Variants in STXBP4 observed in about 807,000 individuals in gnomAD.
The protein encoded by STXBP4 is syntaxin-binding protein 4.
A neutral mutation model predicts 76.1 loss-of-function variants in STXBP4; 55 were observed. The ratio of observed to expected loss-of-function variants is 0.72; its 90% CI spans 0.58 to 0.91. The LOEUF (loss-of-function observed/expected upper bound fraction) is 0.91. STXBP4 is among the 40% of genes least tolerant of loss of function. The pLI, the probability that STXBP4 is intolerant of heterozygous loss-of-function variation, is 0.00. For synonymous variants in STXBP4, 201 were observed against 220.2 expected, an observed-to-expected ratio of 0.91 and a Z score of 0.77; for missense variants, 618 against 636.9, an observed-to-expected ratio of 0.97 and a Z score of 0.32.
intron 16 of STXBP4, among the ~76,000 whole-genome samples, chr17:55,109,525 A>G (rs1442035275): frequency 6.6e-6 from 1 of 152,018 alleles, no homozygotes; most frequent in African/African-American, 2.4e-5. Context: ...TAAACTGAAC[A>G]TGGTAAGGCC....
chr17:55,043,991 T>A (rs1263830608), intron 11 of STXBP4: 1 of 210,164 alleles, frequency 4.8e-6, no homozygotes, highest in Non-Finnish European at 9.4e-6. Flanking sequence ...TGGGACAACA[T>A]GTCCATGCCA....
At chr17:55,009,905 A>C (rs1406471937) in intron 8 of STXBP4, among the ~76,000 whole-genome samples, 2 of 152,042 alleles carry the variant, frequency 1.3e-5, no homozygotes, top group African/African-American at 4.8e-5. Context: ...TAATGTCATA[A>C]TATCAGTATC....
intron 16 of STXBP4, among the ~76,000 whole-genome samples, chr17:55,133,476 C>A (rs2079994261): frequency 6.6e-6 from 1 of 152,110 alleles, no homozygotes. Flanking sequence ...ATAGAGAATT[C>A]TGGGTCACGT....
Position 54,999,348 on chromosome 17 carries a change from G to T in STXBP4, c.184G>T (p.Gly62Cys). Residue 62 changes from glycine to cysteine, a missense_variant, in exon 5 of 18, where the codon GGT (glycine) becomes TGT (cysteine). Gly to Cys is a radical substitution (Grantham distance 159). Transcript: ENST00000376352. ...TAAATGTTACTGTTTTTGTTAGGAT[G>T]GTCGTTTGAAGCCAGGAGATCAACT... ...IIPGGDCYKD[G>C]RLKPGDQLVS... 6.2e-7 allele frequency: 1 copy of T among 1,606,716 alleles called. No individual in the cohort carries two copies. Among genetic ancestry groups the T allele is most frequent in the Non-Finnish European group, 8.5e-7 (1 of 1,177,138 alleles).
At chr17:55,179,047 ATTG>A in the STXBP4 span, among the ~76,000 whole-genome samples, 2 of 152,148 alleles carry the variant, frequency 1.3e-5, no homozygotes, top group Non-Finnish European at 2.9e-5. Flanking sequence ...TATTATTGTG[ATTG>A]TTATTATTGT....
At chr17:55,054,238 G>C (rs1317789513) in intron 12 of STXBP4, among the ~76,000 whole-genome samples, 1 of 152,136 alleles carries the variant, frequency 6.6e-6, no homozygotes, top group Non-Finnish European at 1.5e-5. Flanking sequence ...TATAATCCCA[G>C]CACTTTGGAA....
At chr17:55,175,921 AATCT>A (rs2080428474), downstream of STXBP4, among the ~76,000 whole-genome samples, 1 of 152,208 alleles carries the variant, frequency 6.6e-6, no homozygotes, top group Non-Finnish European at 1.5e-5. Flanking sequence ...CAGGGGAGAC[AATCT>A]ATAGGTCTCT....
At chr17:55,044,827 T>C (rs2078762700) in intron 11 of STXBP4, 1 of 148,494 alleles carries the variant, frequency 6.7e-6, no homozygotes, top group Non-Finnish European at 1.5e-5. Flanking sequence ...TCATCCACAC[T>C]TTTTTTTTTA....
intron 8 of STXBP4, among the ~76,000 whole-genome samples, chr17:55,012,704 C>G (rs1206508011): frequency 2.0e-5 from 3 of 152,164 alleles, no homozygotes; most frequent in African/African-American, 7.2e-5. Flanking sequence ...CAGCTAAGCA[C>G]TAGTTCCTGG....
chr17:55,188,165 G>A, the STXBP4 span, among the ~76,000 whole-genome samples: 2 of 152,180 alleles, frequency 1.3e-5, no homozygotes, highest in South Asian at 2.1e-4. Flanking sequence ...GTAAGCATTC[G>A]GTAAATAATT....
At chr17:55,048,036 A>G (rs2078812930) in intron 12 of STXBP4, among the ~76,000 whole-genome samples, 1 of 151,876 alleles carries the variant, frequency 6.6e-6, no homozygotes, top group South Asian at 2.1e-4. Flanking sequence ...AGAAAAGGTA[A>G]ACATAAATGC....
At chr17:54,990,773 A>G in intron 3 of STXBP4, 52 bp from the exon 4 acceptor site, 1 of 1,522,240 alleles carries the variant, frequency 6.6e-7, no homozygotes, top group Non-Finnish European at 8.7e-7. Flanking sequence ...AAAGAAAAAA[A>G]TAGGTGCAGA....
At chr17:55,019,892 G>C (rs944357498) in intron 8 of STXBP4, among the ~76,000 whole-genome samples, 79 of 152,124 alleles carry the variant, frequency 5.2e-4, no homozygotes, top group African/African-American at 1.8e-3. Flanking sequence ...CTGTCGCTCT[G>C]TCTTTATTTT....
chr17:55,191,318 T>G, the STXBP4 span, among the ~76,000 whole-genome samples: 1 of 152,162 alleles, frequency 6.6e-6, no homozygotes, highest in Non-Finnish European at 1.5e-5. Context: ...ATGCAGAATC[T>G]GATTCATAAG....
chr17:55,090,345 G>A (rs1441594679), intron 16 of STXBP4, among the ~76,000 whole-genome samples: 1 of 152,000 alleles, frequency 6.6e-6, no homozygotes, highest in Non-Finnish European at 1.5e-5. Context: ...GAGTTGGCAC[G>A]ACAGCTTCAG....
intron 8 of STXBP4, among the ~76,000 whole-genome samples, chr17:55,011,502 C>CTTTTTATTTTTTTTTTTTTTTTTTT (rs796486777): frequency 2.9e-5 from 1 of 34,318 alleles, no homozygotes; most frequent in African/African-American, 1.7e-4. Context: ...AGTTTATTTT[C>CTTTTTATTTTTTTTTTTTTTTTTTT]TTTTTCTTTT....
chr17:55,111,291 C>G (rs867587475), intron 16 of STXBP4, among the ~76,000 whole-genome samples: 17 of 152,112 alleles, frequency 1.1e-4, no homozygotes, highest in African/African-American at 4.1e-4. Context: ...TTGGCCCTAA[C>G]TAGCTGTCTA....
chr17:54,999,457 T>C lies in STXBP4; in HGVS notation c.287+6T>C, dbSNP rs1029562978. ...ATTACCGGAGCCAAGTTGAGGTAAC[T>C]ATACTATCCATGAGATAGAATGAGT... On this transcript the variant is annotated splice_donor_region_variant and intron_variant, in intron 5 of 17. Coordinates refer to ENST00000376352, the MANE Select transcript of STXBP4 (RefSeq NM_178509.6). The C allele has an allele frequency of 5.0e-6, 8 of 1,602,652 alleles. No homozygotes were observed. Among genetic ancestry groups the C allele is most frequent in the African/African-American group, 2.7e-5 (2 of 74,540 alleles).
chr17:55,116,003 G>A (rs1375722799), intron 16 of STXBP4, among the ~76,000 whole-genome samples: 1 of 151,852 alleles, frequency 6.6e-6, no homozygotes, highest in Non-Finnish European at 1.5e-5. Context: ...TTTGGTTTAA[G>A]ACTTGGTAAC....
Sources: gnomAD v4.1 joint callset for allele counts (sites outside exome capture counted in the v4.1 genomes callset) on GRCh38, gnomAD v4.1.1 for gene constraint, MANE v1.5 for transcripts, NCBI Gene and HGNC (gene_info 2026-07-23, HGNC 2026-07-21) for gene names.